Variants in HIKESHI observed in about 807,000 individuals in gnomAD.
HIKESHI encodes heat shock protein nuclear import factor hikeshi.
HIKESHI carries 13 observed loss-of-function variants against 25.7 expected under a neutral mutation model. The observed-to-expected ratio is 0.51, with a 90% CI of 0.33 to 0.80. The LOEUF is 0.80. Among genes scored for constraint, HIKESHI ranks in the 30% least tolerant of loss-of-function variants. HIKESHI has a pLI of 0.02. For synonymous variants in HIKESHI, 76 were observed against 78.7 expected, an observed-to-expected ratio of 0.97 and a Z score of 0.18; for missense variants, 174 against 229.5, an observed-to-expected ratio of 0.76 and a Z score of 1.56.
intron 1 of HIKESHI, among the ~76,000 whole-genome samples, chr11:86,305,159 C>A (rs532466537): frequency 6.7e-6 from 1 of 150,078 alleles, no homozygotes; most frequent in East Asian, 2.0e-4. Context: ...GCCACCACCC[C>A]TGGCTAATTT....
intron 2 of HIKESHI, among the ~76,000 whole-genome samples, chr11:86,322,044 G>C (rs1376400371): frequency 2.6e-5 from 4 of 152,134 alleles, no homozygotes; most frequent in Non-Finnish European, 5.9e-5. Context: ...CTGGAGTGCA[G>C]TGGTGCCATC....
rs1947596069 is a variant in HIKESHI at position 86,337,416 on chromosome 11, T to C, written c.306T>C (p.Ile102=). 1 of 1,613,832 alleles carries C rather than the reference T, an allele frequency of 6.2e-7. No individual in the cohort carries two copies. Among genetic ancestry groups the C allele is most frequent in the African/African-American group, 1.3e-5 (1 of 74,922 alleles). ...GSQHPFGAMN[I]VRTPSVAQIG... is the part of the protein sequence containing the mutation. ...AACATCCTTTTGGAGCCATGAATAT[T>C]GTCCGAACTCCATCTGTTGCTCAGA... The change falls in exon 3 of 5, where the codon ATT becomes ATC. Residue 102 remains isoleucine (I), a synonymous_variant. Coordinates refer to ENST00000278483, the MANE Select transcript of HIKESHI (RefSeq NM_016401.4).
intron 2 of HIKESHI, among the ~76,000 whole-genome samples, chr11:86,317,014 G>A (rs749048156): frequency 6.6e-6 from 1 of 151,814 alleles, no homozygotes; most frequent in Non-Finnish European, 1.5e-5. Flanking sequence ...GGATGGTCTC[G>A]ATCTCCTGAC....
intron 3 of HIKESHI, chr11:86,343,931 C>G (rs1288178809): frequency 1.3e-5 from 2 of 152,122 alleles, no homozygotes; most frequent in Non-Finnish European, 2.9e-5. Flanking sequence ...AAATGTGAGT[C>G]CATTTACTTC....
intron 2 of HIKESHI, among the ~76,000 whole-genome samples, chr11:86,325,894 C>G (rs1947269367): frequency 1.3e-5 from 2 of 148,362 alleles, no homozygotes; most frequent in Admixed American, 1.3e-4. Context: ...AAGGCACATG[C>G]TTAGTAGATA....
At chr11:86,343,790 AG>A (rs757507125) in intron 3 of HIKESHI, 1 of 152,232 alleles carries the variant, frequency 6.6e-6, no homozygotes, top group African/African-American at 2.4e-5. Flanking sequence ...AGAGAAGAGA[AG>A]GCATGGCTGA....
chr11:86,323,243 T>G (rs6592281), intron 2 of HIKESHI, among the ~76,000 whole-genome samples: 4,947 of 151,486 alleles, frequency 0.033, 259 homozygotes, highest in African/African-American at 0.11. Flanking sequence ...AAAAAAAAAG[T>G]AAAATATAAA....
At chr11:86,313,033 G>A (rs1216109023) in intron 2 of HIKESHI, among the ~76,000 whole-genome samples, 21 of 152,014 alleles carry the variant, frequency 1.4e-4, no homozygotes, top group Admixed American at 8.5e-4. Context: ...ACAATTATGT[G>A]TCTTGGAGTT....
At chr11:86,311,465 G>A (rs963543819) in intron 2 of HIKESHI, among the ~76,000 whole-genome samples, 2 of 151,940 alleles carry the variant, frequency 1.3e-5, no homozygotes, top group Non-Finnish European at 2.9e-5. Flanking sequence ...TTCTTTGTTA[G>A]TCTTGCTAGT....
intron 2 of HIKESHI, among the ~76,000 whole-genome samples, chr11:86,323,350 CAGAA>C (rs991396197): frequency 4.6e-5 from 7 of 151,526 alleles, no homozygotes; most frequent in South Asian, 2.1e-4. Flanking sequence ...AGTTGGAAAA[CAGAA>C]AGATTCAGTT....
At chr11:86,328,233 T>C (rs1357843610) in intron 2 of HIKESHI, among the ~76,000 whole-genome samples, 1 of 152,142 alleles carries the variant, frequency 6.6e-6, no homozygotes, top group African/African-American at 2.4e-5. Context: ...CTAAAGTAAA[T>C]TTAAGGAGAA....
intron 3 of HIKESHI, among the ~76,000 whole-genome samples, chr11:86,342,569 G>A (rs893639551): frequency 1.3e-5 from 2 of 151,314 alleles, no homozygotes; most frequent in African/African-American, 4.9e-5. Flanking sequence ...CAAACTCCTG[G>A]CCTCAAGCAG....
chr11:86,342,649 T>A (rs370352393), intron 3 of HIKESHI, among the ~76,000 whole-genome samples: 3 of 152,044 alleles, frequency 2.0e-5, no homozygotes, highest in African/African-American at 7.2e-5. Context: ...GTGTGCAGTA[T>A]GGTAAGGGAA....
rs1220521991 is a variant in HIKESHI, at chr11:86,345,922, C to CCAAA, written c.*287_*290dup. ...TTTTTACTTAAAAATAAAACCTATA[C>CCAAA]CAAACAGTAGTGTGCCAAGTACCAT... On this transcript the variant is annotated 3_prime_UTR_variant, in exon 5 of 5. Transcript: ENST00000278483. 3.3e-5 allele frequency: 7 copies of CCAAA among 211,698 alleles called. No individual in the cohort carries two copies. Among genetic ancestry groups the CCAAA allele is most frequent in the Admixed American group, 1.1e-4 (2 of 17,678 alleles). The allele number at this position is 211,698 out of a possible 1,614,324, so 13.1% of individuals were successfully genotyped here.
chr11:86,344,738 G>C lies in HIKESHI; in HGVS notation c.539+17G>C. ...TCTGAAATGGTATGAGGCATTTTCT[G>C]TCTCCAATATTAAGGCTTTTTATAA... On this transcript the variant is annotated intron_variant, in intron 4 of 4. Coordinates refer to ENST00000278483, the MANE Select transcript of HIKESHI (RefSeq NM_016401.4). The C allele has an allele frequency of 4.0e-6, 6 of 1,489,224 alleles. No homozygotes were observed. Among genetic ancestry groups the C allele is most frequent in the Non-Finnish European group, 5.6e-6 (6 of 1,067,762 alleles). The allele number at this position is 1,489,224 out of a possible 1,614,324, so 92.3% of individuals were successfully genotyped here. A position where few individuals can be genotyped will look rare whatever the true frequency, so the allele number is the denominator to read the frequency against.
chr11:86,307,317 C>T (rs4441035), intron 2 of HIKESHI, among the ~76,000 whole-genome samples: 7 of 37,346 alleles, frequency 1.9e-4, no homozygotes, highest in Admixed American at 3.9e-4. Context: ...ATATATCAAA[C>T]ATATATTATG....
At chr11:86,311,196 T>C (rs559278458) in intron 2 of HIKESHI, among the ~76,000 whole-genome samples, 1 of 152,280 alleles carries the variant, frequency 6.6e-6, no homozygotes, top group East Asian at 1.9e-4. Flanking sequence ...GTCCTGGACT[T>C]TTTTTGCTTG....
chr11:86,334,371 G>C (rs1431266972), intron 2 of HIKESHI, among the ~76,000 whole-genome samples: 2 of 151,732 alleles, frequency 1.3e-5, no homozygotes, highest in African/African-American at 4.8e-5. Flanking sequence ...TTTCCTCTGA[G>C]TTGTGTTTTG....
chr11:86,310,595 C>T (rs1593813521), intron 2 of HIKESHI, among the ~76,000 whole-genome samples: 1 of 152,194 alleles, frequency 6.6e-6, no homozygotes. Flanking sequence ...ACTTCCAACA[C>T]TATGTTGAAT....
Sources: gnomAD v4.1 joint callset for allele counts (sites outside exome capture counted in the v4.1 genomes callset) on GRCh38, gnomAD v4.1.1 for gene constraint, MANE v1.5 for transcripts, NCBI Gene and HGNC (gene_info 2026-07-23, HGNC 2026-07-21) for gene names.